SDK1: variants seen among roughly 807,000 people sequenced by gnomAD.
The protein encoded by SDK1 is protein sidekick-1.
A neutral mutation model predicts 245.5 loss-of-function variants in SDK1; 157 were observed. That is an observed-to-expected ratio of 0.64 (90% CI 0.56 to 0.73). The LOEUF is 0.73. Among genes scored for constraint, SDK1 ranks in the 30% least tolerant of loss-of-function variants. The pLI is 0.00. For missense variants in SDK1, 3,583 were observed against 3,002.3 expected, an observed-to-expected ratio of 1.19 and a Z score of -4.52; for synonymous variants, 1,647 against 1,278.5, an observed-to-expected ratio of 1.29 and a Z score of -6.15.
chr7:3,402,753 T>C (rs73052680), intron 1 of SDK1, among the ~76,000 whole-genome samples: 4,917 of 152,324 alleles, frequency 0.032, 142 homozygotes, highest in African/African-American at 0.061. Flanking sequence ...TGTGTTTAAG[T>C]TGCAATATTT....
chr7:3,433,535 C>T (rs1779929211), intron 1 of SDK1, among the ~76,000 whole-genome samples: 1 of 152,092 alleles, frequency 6.6e-6, no homozygotes, highest in Non-Finnish European at 1.5e-5. Flanking sequence ...TTCCCTATTT[C>T]TTCTTCCTCT....
intron 5 of SDK1, among the ~76,000 whole-genome samples, chr7:3,941,658 C>T (rs1001810501): frequency 3.9e-5 from 6 of 152,342 alleles, no homozygotes; most frequent in African/African-American, 1.4e-4. Flanking sequence ...ACTCCACGGC[C>T]TGCCATCTCC....
At chr7:3,484,210 C>A (rs997045944) in intron 1 of SDK1, among the ~76,000 whole-genome samples, 1 of 152,170 alleles carries the variant, frequency 6.6e-6, no homozygotes, top group South Asian at 2.1e-4. Context: ...AAAATTTCAC[C>A]TTCTGTATCC....
chr7:3,565,904 C>T (rs1779900388), intron 1 of SDK1, among the ~76,000 whole-genome samples: 1 of 152,176 alleles, frequency 6.6e-6, no homozygotes, highest in South Asian at 2.1e-4. Context: ...GTGGAACCCA[C>T]AGATGCAGAG....
chr7:3,973,095 C>T (rs933690005), intron 12 of SDK1, among the ~76,000 whole-genome samples: 2 of 152,138 alleles, frequency 1.3e-5, no homozygotes, highest in African/African-American at 2.4e-5. Context: ...ATTGGAGGCC[C>T]CTTCCTCAGA....
chr7:3,821,751 CTTTCT>C (rs1024452611), intron 5 of SDK1, among the ~76,000 whole-genome samples, 168 bp downstream of exon 5: 3 of 151,940 alleles, frequency 2.0e-5, no homozygotes, highest in African/African-American at 7.3e-5. Flanking sequence ...AGGGCTCTTG[CTTTCT>C]TCAAAATGAT....
At position 4,195,834 on chromosome 7, in the gene SDK1, C is replaced by T. The variant is rs936650124; in HGVS notation, c.5099-10045C>T. Among the ~76,000 whole-genome samples the T allele has an allele frequency of 1.1e-3, 169 of 152,282 alleles. 2 individuals carry two copies. The highest frequency in any genetic ancestry group is 3.8e-3 in the African/African-American group (159 of 41,568). On this transcript the variant is annotated intron_variant, in intron 35 of 44. Transcript: ENST00000404826. The stretch of plus-strand genomic sequence containing the variant: ...TCGCTGCTCCTCCCCAGCCTCTCGG[C>T]AGCAGCAGCCACGGTGGCAACAAGC...
At chr7:3,755,030 G>A (rs1445167690) in intron 4 of SDK1, among the ~76,000 whole-genome samples, 1 of 152,150 alleles carries the variant, frequency 6.6e-6, no homozygotes, top group Non-Finnish European at 1.5e-5. Context: ...AATAAACAAA[G>A]ACCAAATGAG....
At chr7:4,107,700 C>T (rs1783032160) in intron 22 of SDK1, among the ~76,000 whole-genome samples, 1 of 152,146 alleles carries the variant, frequency 6.6e-6, no homozygotes, top group Non-Finnish European at 1.5e-5. Context: ...TGGTCCTCCG[C>T]ACTCCCCAGT....
rs148026134 is a variant in SDK1 at position 3,999,286 on chromosome 7, G to T, written c.2132-11680G>T. 3.2e-4 allele frequency among the ~76,000 whole-genome samples: 49 copies of T among 152,268 alleles called. 1 individual carries two copies. Among genetic ancestry groups the T allele is most frequent in the African/African-American group, 1.2e-3 (49 of 41,546 alleles). ...CAGTTCACGCAAGTCTGCAAATTGCGCATCCACTCCCTCCTGAGAGCATTA... is the reference window on the plus strand; with the variant it reads ...CAGTTCACGCAAGTCTGCAAATTGCTCATCCACTCCCTCCTGAGAGCATTA... On this transcript the variant is annotated intron_variant, in intron 14 of 44. Transcript: ENST00000404826.
chr7:4,043,357 G>T (rs1244275060), intron 17 of SDK1, among the ~76,000 whole-genome samples: 4 of 150,902 alleles, frequency 2.7e-5, no homozygotes, highest in African/African-American at 9.8e-5. Context: ...CACAGCCAGG[G>T]ACCCAGGCAG....
At chr7:3,592,502 T>A (rs1296598027) in intron 1 of SDK1, among the ~76,000 whole-genome samples, 1 of 152,260 alleles carries the variant, frequency 6.6e-6, no homozygotes, top group Non-Finnish European at 1.5e-5. Flanking sequence ...CTCGTCATTC[T>A]TGCGACATTT....
rs369262597 is a variant in SDK1 at position 3,855,378 on chromosome 7, A to G, written c.847+33795A>G. ...CAGAAGAGAACTACAGAAAAGGTAC[A>G]TTTACTATTTTAGGAGAGGTGCAAG... is the stretch of plus-strand genomic sequence containing the variant. On this transcript the variant is annotated intron_variant, in intron 5 of 44. Transcript: ENST00000404826. 2.8e-3 allele frequency among the ~76,000 whole-genome samples: 430 copies of G among 152,178 alleles called. 6 individuals are homozygous for G. The South Asian group carries it at 0.031, about 11-fold the overall frequency.
intron 1 of SDK1, among the ~76,000 whole-genome samples, chr7:3,576,127 C>T (rs764147852): frequency 2.0e-5 from 3 of 152,106 alleles, no homozygotes; most frequent in African/African-American, 4.8e-5. Context: ...AACATTATTT[C>T]CAGCTGTCAT....
chr7:3,771,445 C>T (rs117670271), intron 4 of SDK1, among the ~76,000 whole-genome samples: 1,772 of 152,110 alleles, frequency 0.012, 26 homozygotes, highest in Non-Finnish European at 0.019. Context: ...GAATCGAGGC[C>T]GTTTTTATAA....
chr7:3,449,101 T>G (rs1293897913), intron 1 of SDK1, among the ~76,000 whole-genome samples: 1 of 152,224 alleles, frequency 6.6e-6, no homozygotes, highest in African/African-American at 2.4e-5. Context: ...GCTTTTCACA[T>G]ACAGAGAAAT....
chr7:3,731,473 C>T lies in SDK1; in HGVS notation c.713+89368C>T, dbSNP rs558272175. ...AAGGAAGCCAGCTGACAGCTTCCGACGAGTTGCCAGATGACGTTTCTTCTG... is the reference window on the plus strand; with the variant it reads ...AAGGAAGCCAGCTGACAGCTTCCGATGAGTTGCCAGATGACGTTTCTTCTG... On this transcript the variant is annotated intron_variant, in intron 4 of 44. Coordinates refer to ENST00000404826, the MANE Select transcript of SDK1 (RefSeq NM_152744.4). 3.9e-5 allele frequency among the ~76,000 whole-genome samples: 6 copies of T among 152,280 alleles called. No individual in the cohort carries two copies. The East Asian group carries it at 5.8e-4, about 15-fold the overall frequency.
rs562370087 is a variant in SDK1, at chr7:4,052,181, G to T, written c.2911+351G>T. On this transcript the variant is annotated intron_variant, in intron 19 of 44. Transcript: ENST00000404826. Reference sequence around the variant, plus strand: ...CTGCTTCCATGATCCCCCCCCCCCCGACGTCCCCCAGCCCATTCTTTCCTG... The same window carrying T: ...CTGCTTCCATGATCCCCCCCCCCCCTACGTCCCCCAGCCCATTCTTTCCTG... Among the ~76,000 whole-genome samples, 233 of 25,398 alleles carry T rather than the reference G, an allele frequency of 9.2e-3. 1 individual carries two copies. The highest frequency in any genetic ancestry group is 0.024 in the African/African-American group (224 of 9,468). The allele number at this position is 25,398 out of a possible 152,430, so 16.7% of individuals were successfully genotyped here. A position where few individuals can be genotyped will look rare whatever the true frequency, so the allele number is the denominator to read the frequency against.
At chr7:3,746,603 G>C (rs1779628785) in intron 4 of SDK1, among the ~76,000 whole-genome samples, 1 of 152,194 alleles carries the variant, frequency 6.6e-6, no homozygotes, top group South Asian at 2.1e-4. Context: ...AAAGTTCAGA[G>C]TGCCTCCACC....
Sources: allele counts gnomAD v4.1 joint callset (sites outside exome capture counted in the v4.1 genomes callset), GRCh38; gene constraint gnomAD v4.1.1; transcripts MANE v1.5; gene names NCBI Gene and HGNC (gene_info 2026-07-23, HGNC 2026-07-21).